Variants in KLHL29 observed in about 807,000 individuals in gnomAD.
KLHL29 encodes kelch-like protein 29.
Under a neutral mutation model 80.4 loss-of-function variants are expected in KLHL29, and 21 were observed. That is an observed-to-expected ratio of 0.26 (90% CI 0.19 to 0.38). KLHL29 has a LOEUF of 0.38. Among genes scored for constraint, KLHL29 ranks in the 10% least tolerant of loss-of-function variants. The pLI is 1.00. For synonymous variants in KLHL29, 511 were observed against 526.8 expected, an observed-to-expected ratio of 0.97 and a Z score of 0.41; for missense variants, 867 against 1,223.9, an observed-to-expected ratio of 0.71 and a Z score of 4.35.
At chr2:23,686,481 C>T (rs1009780940) in intron 6 of KLHL29, among the ~76,000 whole-genome samples, 3 of 152,096 alleles carry the variant, frequency 2.0e-5, no homozygotes, top group African/African-American at 7.2e-5. Flanking sequence ...TCAAGTGATG[C>T]CCAGGTCTCC....
In KLHL29 at chr2:23,385,259, C is replaced by CCGT. The variant is rs1666141991; in HGVS notation, c.-673_-671dup. ...CGCGCCAGCCCCCGCGCCGCCGCCG[C>CCGT]CGTCCCCGCCACCGCGGATCTCGCC... On this transcript the variant is annotated 5_prime_UTR_variant, in exon 1 of 14. Coordinates refer to ENST00000486442, the MANE Select transcript of KLHL29 (RefSeq NM_052920.2). The CCGT allele has an allele frequency of 1.3e-5, 2 of 148,192 alleles. No individual in the cohort carries two copies. Among genetic ancestry groups the CCGT allele is most frequent in the Non-Finnish European group, 3.0e-5 (2 of 66,532 alleles). 9.2% of individuals were successfully genotyped at this position (148,192 alleles called of 1,614,324 possible). A position where few individuals can be genotyped will look rare whatever the true frequency, so the allele number is the denominator to read the frequency against.
At chr2:23,541,456 A>G (rs997931455) in intron 2 of KLHL29, among the ~76,000 whole-genome samples, 2 of 152,216 alleles carry the variant, frequency 1.3e-5, no homozygotes, top group African/African-American at 4.8e-5. Flanking sequence ...CTGCCAGACC[A>G]TGGGCTCCTT....
At chr2:23,460,849 G>A (rs1664188915) in intron 1 of KLHL29, among the ~76,000 whole-genome samples, 1 of 151,684 alleles carries the variant, frequency 6.6e-6, no homozygotes, top group Non-Finnish European at 1.5e-5. Context: ...GCAAACTCAG[G>A]AGCTTCCCGT....
At chr2:23,646,429 G>A (rs1377598187) in intron 5 of KLHL29, among the ~76,000 whole-genome samples, 2 of 152,256 alleles carry the variant, frequency 1.3e-5, no homozygotes, top group African/African-American at 4.8e-5. Context: ...GCTGCAGAAA[G>A]GCTATTGTGT....
At chr2:23,600,254 A>T (rs1206144025) in intron 3 of KLHL29, among the ~76,000 whole-genome samples, 1 of 152,192 alleles carries the variant, frequency 6.6e-6, no homozygotes, top group Non-Finnish European at 1.5e-5. Context: ...AAGCCTCCGG[A>T]TGGAAGGGGA....
intron 2 of KLHL29, among the ~76,000 whole-genome samples, chr2:23,552,598 G>A (rs1667156417): frequency 6.6e-6 from 1 of 151,974 alleles, no homozygotes; most frequent in African/African-American, 2.4e-5. Context: ...TGAGACCTGG[G>A]AACATGTGCA....
intron 1 of KLHL29, among the ~76,000 whole-genome samples, chr2:23,451,402 G>A (rs1663876218): frequency 6.6e-6 from 1 of 152,158 alleles, no homozygotes; most frequent in Non-Finnish European, 1.5e-5. Flanking sequence ...TTGCTTGTTT[G>A]TTTTCATTCC....
At chr2:23,667,521 T>G (rs1393173165) in intron 5 of KLHL29, 2 of 152,420 alleles carry the variant, frequency 1.3e-5, no homozygotes, top group African/African-American at 4.8e-5. Flanking sequence ...GTCACCTCAC[T>G]GCACCTCTCC....
chr2:23,694,132 G>T (rs1053547109), intron 8 of KLHL29, among the ~76,000 whole-genome samples: 1 of 152,236 alleles, frequency 6.6e-6, no homozygotes, highest in Non-Finnish European at 1.5e-5. Context: ...CCTTTCCTGA[G>T]CTCCAGACCC....
intron 1 of KLHL29, among the ~76,000 whole-genome samples, chr2:23,402,106 A>G (rs1666611118): frequency 6.6e-6 from 1 of 152,186 alleles, no homozygotes; most frequent in Non-Finnish European, 1.5e-5. Context: ...CAGAGCCAGA[A>G]CTGGAATCCC....
chr2:23,509,969 T>C (rs997328380), intron 2 of KLHL29, among the ~76,000 whole-genome samples: 20 of 152,198 alleles, frequency 1.3e-4, no homozygotes, highest in African/African-American at 4.6e-4. Flanking sequence ...TTCTATTTGA[T>C]TTATATTCCA....
intron 2 of KLHL29, among the ~76,000 whole-genome samples, chr2:23,561,373 G>C (rs1667442605): frequency 6.6e-6 from 1 of 152,144 alleles, no homozygotes; most frequent in Non-Finnish European, 1.5e-5. Context: ...AACATGGAAG[G>C]GCCTTATGCT....
At chr2:23,394,765 C>T (rs944866009) in intron 1 of KLHL29, among the ~76,000 whole-genome samples, 3 of 152,212 alleles carry the variant, frequency 2.0e-5, no homozygotes, top group African/African-American at 7.2e-5. Flanking sequence ...AGTATGATTT[C>T]AAGTACCTTC....
chr2:23,433,158 G>T (rs2103409510), intron 1 of KLHL29, among the ~76,000 whole-genome samples: 1 of 152,342 alleles, frequency 6.6e-6, no homozygotes, highest in South Asian at 2.1e-4. Context: ...TTCTGCTCCT[G>T]CAAAGTCCCG....
chr2:23,693,511 C>A lies in KLHL29; in HGVS notation c.1525C>A (p.Pro509Thr), dbSNP rs1279306695. Reference protein sequence around the residue: ...ETVIKWIKKDPATRTQYAAEL... With the variant: ...ETVIKWIKKDTATRTQYAAEL... ...AGTCATCAAGTGGATCAAGAAGGAC[C>A]CCGCGACACGCACACAGGTGGGGCC... Residue 509 changes from proline (P) to threonine (T), a missense_variant, in exon 8 of 14, where the codon CCC (proline) becomes ACC (threonine). This residue lies in a region of KLHL29 where 443 missense variants were observed against 767.0 expected (regional missense o/e 0.58). Coordinates refer to ENST00000486442, the MANE Select transcript of KLHL29 (RefSeq NM_052920.2). 1.3e-6 allele frequency: 2 copies of A among 1,550,590 alleles called. No individual in the cohort carries two copies. Among genetic ancestry groups the A allele is most frequent in the Non-Finnish European group, 1.7e-6 (2 of 1,146,128 alleles).
chr2:23,640,503 A>G (rs898603457), intron 4 of KLHL29, among the ~76,000 whole-genome samples: 7 of 152,162 alleles, frequency 4.6e-5, no homozygotes, highest in Non-Finnish European at 1.0e-4. Flanking sequence ...GAAAGAGCAG[A>G]GCTTGGGATG....
At position 23,442,804 on chromosome 2, in the gene KLHL29, T is replaced by TG. The variant is rs1195025207; in HGVS notation, c.-153-32751dup. On this transcript the variant is annotated intron_variant, in intron 1 of 13. Coordinates refer to ENST00000486442, the MANE Select transcript of KLHL29 (RefSeq NM_052920.2). ...CATGGATCTAGGAGCCATGTTTGGT[T>TG]GGGGGTGTCACCAAAGTAACAGTCC... Among the ~76,000 whole-genome samples, 3 of 152,186 alleles carry TG rather than the reference T, an allele frequency of 2.0e-5. No homozygotes were observed. The South Asian group carries it at 6.2e-4, about 32-fold the overall frequency.
At chr2:23,533,528 GCTCTGTGCAGC>G (rs1279531946) in intron 2 of KLHL29, among the ~76,000 whole-genome samples, 2 of 152,188 alleles carry the variant, frequency 1.3e-5, no homozygotes, top group East Asian at 3.9e-4. Flanking sequence ...CGTAGATGCA[GCTCTGTGCAGC>G]CTCTGGGGAG....
chr2:23,635,582 A>T (rs527348594), intron 3 of KLHL29, among the ~76,000 whole-genome samples: 1 of 152,250 alleles, frequency 6.6e-6, no homozygotes, highest in Non-Finnish European at 1.5e-5. Flanking sequence ...GTCAGCTGCC[A>T]TAAAACTGTG....
Sources: allele counts gnomAD v4.1 joint callset (sites outside exome capture counted in the v4.1 genomes callset), GRCh38; gene constraint gnomAD v4.1.1; regional missense constraint gnomAD v4.1.1; transcripts MANE v1.5; gene names NCBI Gene and HGNC (gene_info 2026-07-23, HGNC 2026-07-21).